Variants in OXR1 observed in about 807,000 individuals in gnomAD.
OXR1 encodes the protein oxidation resistance 1, also known as oxidation resistance protein 1.
Under a neutral mutation model 104.6 loss-of-function variants are expected in OXR1, and 41 were observed. That is an observed-to-expected ratio of 0.39 (90% CI 0.31 to 0.51). The LOEUF (loss-of-function observed/expected upper bound fraction) is 0.51. OXR1 is among the 20% of genes least tolerant of loss of function. The pLI, the probability that OXR1 is intolerant of heterozygous loss-of-function variation, is 0.77. For synonymous variants in OXR1, 348 were observed against 348.4 expected (o/e 1.00, Z 0.01); for missense variants, 955 against 1,031.9 (o/e 0.93, Z 1.02).
At chr8:106,672,767 A>C (rs983465263) in intron 3 of OXR1, among the ~76,000 whole-genome samples, 2 of 152,108 alleles carry the variant, frequency 1.3e-5, no homozygotes, top group African/African-American at 4.8e-5. Context: ...TTCTTGTGAT[A>C]GTGAGGTCTC....
chr8:106,399,021 T>C (rs1312327660), intron 2 of OXR1, among the ~76,000 whole-genome samples: 2 of 152,164 alleles, frequency 1.3e-5, no homozygotes, highest in Non-Finnish European at 2.9e-5. Context: ...AATCTTTTAC[T>C]TTTTCACTAC....
chr8:106,404,507 G>C (rs1207642728), intron 2 of OXR1, among the ~76,000 whole-genome samples: 1 of 152,058 alleles, frequency 6.6e-6, no homozygotes, highest in African/African-American at 2.4e-5. Flanking sequence ...GGCTACAGGA[G>C]TAACAGGTTT....
intron 1 of OXR1, among the ~76,000 whole-genome samples, chr8:106,357,971 A>G (rs1027687684): frequency 1.4e-4 from 22 of 152,146 alleles, no homozygotes; most frequent in African/African-American, 5.3e-4. Context: ...TACGGTTAGG[A>G]CACTAGATGC....
chr8:106,273,227 G>A lies in OXR1; in HGVS notation c.-139+2860G>A, dbSNP rs151174807. Among the ~76,000 whole-genome samples the A allele has an allele frequency of 4.8e-5, 7 of 146,786 alleles. No individual in the cohort carries two copies. In the East Asian group the frequency reaches 1.2e-3, roughly 25 times the overall value. On this transcript the variant is annotated intron_variant, in intron 1 of 16. Coordinates refer to ENST00000517566, the MANE Select transcript of OXR1 (RefSeq NM_001198533.2). ...GTCAATGGAATTTTTGTTGCCCTAAGATAAAGTCATTACAAAGAAAAAAAA... is the reference window on the plus strand; with the variant it reads ...GTCAATGGAATTTTTGTTGCCCTAAAATAAAGTCATTACAAAGAAAAAAAA...
At chr8:106,486,576 C>A (rs116896687) in intron 2 of OXR1, among the ~76,000 whole-genome samples, 3,892 of 151,976 alleles carry the variant, frequency 0.026, 73 homozygotes, top group South Asian at 0.042. Flanking sequence ...ATTCCTTTGT[C>A]TTTTTTGCAG....
intron 3 of OXR1, among the ~76,000 whole-genome samples, chr8:106,619,697 A>C (rs1234151393): frequency 1.3e-5 from 2 of 152,218 alleles, no homozygotes; most frequent in Non-Finnish European, 2.9e-5. Flanking sequence ...AGTATTAAAC[A>C]TGGAGCTGTC....
intron 1 of OXR1, among the ~76,000 whole-genome samples, chr8:106,342,578 T>G (rs1268584287): frequency 1.3e-5 from 2 of 152,076 alleles, no homozygotes; most frequent in African/African-American, 4.8e-5. Context: ...TTTATGTATT[T>G]TTTTAGCTTT....
intron 7 of OXR1, among the ~76,000 whole-genome samples, chr8:106,702,314 T>G (rs1830656684): frequency 6.6e-6 from 1 of 152,176 alleles, no homozygotes; most frequent in South Asian, 2.1e-4. Context: ...CATGGTGAGT[T>G]AAAAGTATAT....
chr8:106,720,505 C>T (rs570621347), intron 11 of OXR1, among the ~76,000 whole-genome samples: 2 of 152,166 alleles, frequency 1.3e-5, no homozygotes, highest in South Asian at 4.1e-4. Flanking sequence ...ATATGAAATA[C>T]TTTTCATATT....
chr8:106,699,984 T>A (rs1458436258), intron 7 of OXR1, among the ~76,000 whole-genome samples: 1 of 152,166 alleles, frequency 6.6e-6, no homozygotes. Flanking sequence ...ATTTTATCTC[T>A]TAGTATTTGC....
At chr8:106,608,772 T>C (rs1185738226) in intron 3 of OXR1, among the ~76,000 whole-genome samples, 1 of 152,202 alleles carries the variant, frequency 6.6e-6, no homozygotes, top group Non-Finnish European at 1.5e-5. Context: ...TTAGCAACTT[T>C]GCAAGTGGGT....
At chr8:106,630,569 T>G (rs1822589650) in intron 3 of OXR1, among the ~76,000 whole-genome samples, 1 of 152,216 alleles carries the variant, frequency 6.6e-6, no homozygotes, top group African/African-American at 2.4e-5. Context: ...ACAACAGAAC[T>G]CATATGCACG....
At chr8:106,533,549 T>C (rs910581124) in intron 3 of OXR1, among the ~76,000 whole-genome samples, 1 of 152,152 alleles carries the variant, frequency 6.6e-6, no homozygotes, top group Non-Finnish European at 1.5e-5. Flanking sequence ...TTAAACACCC[T>C]ATGTATTGCA....
intron 3 of OXR1, among the ~76,000 whole-genome samples, chr8:106,665,080 CAA>C (rs1408679760): frequency 3.3e-5 from 5 of 152,068 alleles, no homozygotes; most frequent in African/African-American, 1.2e-4. Context: ...TTAATAAAGA[CAA>C]GAGAATTATT....
intron 6 of OXR1, among the ~76,000 whole-genome samples, chr8:106,690,726 A>G (rs939477380): frequency 3.9e-5 from 6 of 151,946 alleles, no homozygotes; most frequent in African/African-American, 1.2e-4. Context: ...AGATTATTGA[A>G]CATAATTTAT....
chr8:106,574,872 A>T (rs1817717650), intron 3 of OXR1, among the ~76,000 whole-genome samples: 1 of 152,252 alleles, frequency 6.6e-6, no homozygotes, highest in Non-Finnish European at 1.5e-5. Flanking sequence ...ATTTTTAAAA[A>T]GTTTGGGAAA....
intron 2 of OXR1, among the ~76,000 whole-genome samples, chr8:106,473,852 C>CTT (rs530411207): frequency 5.6e-5 from 8 of 142,606 alleles, no homozygotes; most frequent in African/African-American, 2.0e-4. Flanking sequence ...GTCTATTCCT[C>CTT]TTTTTTTTTT....
chr8:106,320,092 C>T (rs1049447481), intron 1 of OXR1, among the ~76,000 whole-genome samples: 2 of 152,184 alleles, frequency 1.3e-5, no homozygotes, highest in African/African-American at 4.8e-5. Context: ...ATGATGCATT[C>T]AAAGCACACA....
At chr8:106,359,426 A>C (rs572157787) in intron 1 of OXR1, 50 bp from the exon 2 acceptor site, 1 of 540,248 alleles carries the variant, frequency 1.9e-6, no homozygotes, top group East Asian at 2.9e-5. Context: ...TCTGTGACAA[A>C]CCACATAGAC....
Sources: allele counts gnomAD v4.1 joint callset (sites outside exome capture counted in the v4.1 genomes callset), GRCh38; gene constraint gnomAD v4.1.1; transcripts MANE v1.5; gene names NCBI Gene and HGNC (gene_info 2026-07-23, HGNC 2026-07-21).